The following PTGFR variants were observed in gnomAD, a reference collection of about 807,000 sequenced individuals.
PTGFR encodes prostaglandin F2-alpha receptor.
PTGFR carries 15 observed loss-of-function variants against 26.2 expected under a neutral mutation model. That is an observed-to-expected ratio of 0.57 (90% CI 0.38 to 0.88). The LOEUF (loss-of-function observed/expected upper bound fraction) is 0.88. Ranked by LOEUF, PTGFR falls within the 40% of genes least tolerant of loss-of-function variation. The pLI is 0.00. For synonymous variants in PTGFR, 165 were observed against 151.1 expected (o/e 1.09, Z -0.68); for missense variants, 369 against 427.2 (o/e 0.86, Z 1.20).
rs180732567 is a variant in PTGFR at position 78,536,386 on chromosome 1, C to T, written c.799-20C>T. ...TGAAAAGGCTGCATCAACTAATTTC[C>T]GTGTTTTCTTCGTTTCTAGGTTACA... On this transcript the variant is annotated intron_variant, in intron 2 of 2. Transcript: ENST00000370757. The T allele has an allele frequency of 5.9e-5, 93 of 1,587,568 alleles. No individual in the cohort carries two copies. The South Asian group carries it at 7.4e-4, about 13-fold the overall frequency.
chr1:78,509,653 T>C (rs1570279714), intron 2 of PTGFR, among the ~76,000 whole-genome samples: 1 of 152,366 alleles, frequency 6.6e-6, no homozygotes, highest in African/African-American at 2.4e-5. Flanking sequence ...CTAGCTTTCC[T>C]GGATAGCAGA....
chr1:78,521,157 A>G (rs978315646), intron 2 of PTGFR, among the ~76,000 whole-genome samples: 14 of 152,070 alleles, frequency 9.2e-5, no homozygotes, highest in Admixed American at 2.0e-4. Context: ...TAAGTAAGCC[A>G]TCTTGCCTTG....
intron 2 of PTGFR, among the ~76,000 whole-genome samples, chr1:78,510,502 C>A (rs564718150): frequency 1.3e-5 from 2 of 152,176 alleles, no homozygotes; most frequent in South Asian, 2.1e-4. Flanking sequence ...CATTTGTTAC[C>A]ACAAAGAAGG....
intron 2 of PTGFR, chr1:78,497,810 G>T: frequency 4.5e-6 from 5 of 1,099,398 alleles, no homozygotes; most frequent in Non-Finnish European, 2.8e-6. Context: ...GTAGACTTAG[G>T]ACGCTATTAA....
intron 2 of PTGFR, among the ~76,000 whole-genome samples, chr1:78,493,864 AAAC>A (rs1341452704): frequency 4.0e-5 from 6 of 150,824 alleles, no homozygotes; most frequent in African/African-American, 1.5e-4. Flanking sequence ...ACCAACTATA[AAAC>A]AACATTTGAA....
At position 78,493,222 on chromosome 1, in the gene PTGFR, G is replaced by T; in HGVS notation, c.479G>T (p.Cys160Phe). ...KHVKMMLSGVCLFAVFIALLP... is the reference protein window; with the variant it reads ...KHVKMMLSGVFLFAVFIALLP... ...GTGAAAATGATGTTAAGTGGTGTGT[G>T]CTTGTTTGCTGTTTTCATAGCTTTG... The change falls in exon 2 of 3, where the codon TGC becomes TTC. Residue 160 changes from cysteine to phenylalanine, a missense_variant. By Grantham distance (205) the Cys-to-Phe change is radical. Coordinates refer to ENST00000370757, the MANE Select transcript of PTGFR (RefSeq NM_000959.4). 6.2e-7 allele frequency: 1 copy of T among 1,614,184 alleles called. No individual in the cohort carries two copies. Among genetic ancestry groups the T allele is most frequent in the Non-Finnish European group, 8.5e-7 (1 of 1,180,038 alleles).
rs1390815850 is a variant in PTGFR, at chr1:78,493,487, A to G, written c.744A>G (p.Val248=). ...GCAGATCTCATCATTTGGAAATGGT[A>G]ATCCAGCTCCTGGCGATAATGTGTG... is the stretch of plus-strand genomic sequence containing the variant. ...RQGRSHHLEM[V]IQLLAIMCVS... Residue 248 remains valine (V), a synonymous_variant, in exon 2 of 3, where the codon GTA becomes GTG. Coordinates refer to ENST00000370757, the MANE Select transcript of PTGFR (RefSeq NM_000959.4). 1.5e-5 allele frequency: 24 copies of G among 1,584,118 alleles called. No homozygotes were observed. The highest frequency in any genetic ancestry group is 1.9e-5 in the Non-Finnish European group (22 of 1,165,998).
chr1:78,534,548 C>T (rs1486154460), intron 2 of PTGFR, among the ~76,000 whole-genome samples: 2 of 152,078 alleles, frequency 1.3e-5, no homozygotes, highest in Non-Finnish European at 2.9e-5. Flanking sequence ...TTTATAAAAG[C>T]AATGCATGAT....
In PTGFR at chr1:78,536,396, T is replaced by C; in HGVS notation, c.799-10T>C. ...GCATCAACTAATTTCCGTGTTTTCT[T>C]CGTTTCTAGGTTACAATGGCCAACA... is the stretch of plus-strand genomic sequence containing the variant. On this transcript the variant is annotated splice_polypyrimidine_tract_variant and intron_variant, in intron 2 of 2. Coordinates refer to ENST00000370757, the MANE Select transcript of PTGFR (RefSeq NM_000959.4). 2 of 1,592,964 alleles carry C rather than the reference T, an allele frequency of 1.3e-6. No individual in the cohort carries two copies. The highest frequency in any genetic ancestry group is 2.3e-5 in the South Asian group (2 of 87,194).
intron 2 of PTGFR, among the ~76,000 whole-genome samples, chr1:78,528,085 G>A (rs1570296766): frequency 6.6e-6 from 1 of 152,008 alleles, no homozygotes; most frequent in East Asian, 1.9e-4. Flanking sequence ...TAATATTTTA[G>A]ACCATGAGAT....
At chr1:78,530,528 A>G (rs1650479160) in intron 2 of PTGFR, among the ~76,000 whole-genome samples, 1 of 152,180 alleles carries the variant, frequency 6.6e-6, no homozygotes, top group Non-Finnish European at 1.5e-5. Flanking sequence ...AGGCTAACAC[A>G]CAAATCCTTA....
chr1:78,516,069 A>T (rs1650084627), intron 2 of PTGFR, among the ~76,000 whole-genome samples: 1 of 152,314 alleles, frequency 6.6e-6, no homozygotes, highest in South Asian at 2.1e-4. Flanking sequence ...TAAATTTAAA[A>T]TTCTTGCTTA....
At chr1:78,515,099 C>T (rs926662732) in intron 2 of PTGFR, among the ~76,000 whole-genome samples, 3 of 151,982 alleles carry the variant, frequency 2.0e-5, no homozygotes, top group South Asian at 2.1e-4. Flanking sequence ...GACCACATTG[C>T]GACATAAGAT....
At chr1:78,525,291 TG>T (rs1031168339) in intron 2 of PTGFR, among the ~76,000 whole-genome samples, 2 of 152,058 alleles carry the variant, frequency 1.3e-5, no homozygotes, top group Non-Finnish European at 2.9e-5. Flanking sequence ...CCCAGCCACC[TG>T]AACTTCTGAC....
Position 78,524,390 on chromosome 1 carries a change from C to T in PTGFR, c.799-12016C>T, listed in dbSNP as rs1650318294. 2.6e-5 allele frequency among the ~76,000 whole-genome samples: 4 copies of T among 151,968 alleles called. No homozygotes were observed. The South Asian group carries it at 8.3e-4, about 32-fold the overall frequency. On this transcript the variant is annotated intron_variant, in intron 2 of 2. Transcript: ENST00000370757. The stretch of plus-strand genomic sequence containing the variant: ...TTAGTTCTTGAAGTGACTTCAGAAC[C>T]AAATACCTAGATTCGACTTATAATA...
chr1:78,515,478 T>C (rs1650070855), intron 2 of PTGFR, among the ~76,000 whole-genome samples: 2 of 152,240 alleles, frequency 1.3e-5, no homozygotes, highest in South Asian at 2.1e-4. Context: ...CAAAATTACA[T>C]GGCTTCACGT....
rs1557661622 is a variant in PTGFR, at chr1:78,538,153, G to A, written c.*1466G>A. The A allele has an allele frequency of 1.3e-5, 2 of 152,100 alleles. No homozygotes were observed. Among genetic ancestry groups the A allele is most frequent in the East Asian group, 3.9e-4 (2 of 5,186 alleles). 9.4% of individuals were successfully genotyped at this position (152,100 alleles called of 1,614,324 possible). A position where few individuals can be genotyped will look rare whatever the true frequency, so the allele number is the denominator to read the frequency against. On this transcript the variant is annotated 3_prime_UTR_variant, in exon 3 of 3. Coordinates refer to ENST00000370757, the MANE Select transcript of PTGFR (RefSeq NM_000959.4). The stretch of plus-strand genomic sequence containing the variant: ...TTATTTCATACAGTTACTTAAGAGT[G>A]TTGATGTCTTGTGAACAGAGATATA...
At chr1:78,522,564 C>T (rs770369197) in intron 2 of PTGFR, among the ~76,000 whole-genome samples, 8 of 152,048 alleles carry the variant, frequency 5.3e-5, no homozygotes, top group East Asian at 3.9e-4. Flanking sequence ...GAGGCTCTAT[C>T]GAGCTTGTCC....
chr1:78,493,376 A>G lies in PTGFR; in HGVS notation c.633A>G (p.Leu211=). 1.2e-6 allele frequency: 2 copies of G among 1,613,688 alleles called. No homozygotes were observed. The highest frequency in any genetic ancestry group is 1.7e-6 in the Non-Finnish European group (2 of 1,179,932). The stretch of plus-strand genomic sequence containing the variant: ...TACTTTTTTCTTTTCTGGGGCTCTT[A>G]GCCCTTGGTGTTTCATTGTTGTGCA... ...YLLLFSFLGL[L]ALGVSLLCNA... Residue 211 remains leucine, a synonymous_variant, in exon 2 of 3, where the codon TTA becomes TTG. Coordinates refer to ENST00000370757, the MANE Select transcript of PTGFR (RefSeq NM_000959.4).
Sources: allele counts gnomAD v4.1 joint callset (sites outside exome capture counted in the v4.1 genomes callset), GRCh38; gene constraint gnomAD v4.1.1; transcripts MANE v1.5; gene names NCBI Gene and HGNC (gene_info 2026-07-23, HGNC 2026-07-21).